FAM117A: variants seen among roughly 807,000 people sequenced by gnomAD.
The protein encoded by FAM117A is family with sequence similarity 117 member A.
FAM117A carries 21 observed loss-of-function variants against 44.1 expected under a neutral mutation model. That is an observed-to-expected ratio of 0.48 (90% confidence interval 0.34 to 0.69). The LOEUF (loss-of-function observed/expected upper bound fraction) is 0.69, where lower values mean the gene tolerates loss of function less well. FAM117A is among the 30% of genes least tolerant of loss of function. FAM117A has a pLI of 0.01. For synonymous variants in FAM117A, 220 were observed against 238.3 expected (o/e 0.92, Z 0.71); for missense variants, 498 against 589.9 (o/e 0.84, Z 1.61).
At chr17:49,766,436 A>G (rs1006295829), upstream of FAM117A, among the ~76,000 whole-genome samples, 1 of 152,236 alleles carries the variant, frequency 6.6e-6, no homozygotes, top group Admixed American at 6.5e-5. Context: ...GTTAAGTCCT[A>G]CAGAGGCTAG....
chr17:49,719,296 G>A (rs1214626909), intron 5 of FAM117A, among the ~76,000 whole-genome samples: 1 of 152,082 alleles, frequency 6.6e-6, no homozygotes, highest in African/African-American at 2.4e-5. Flanking sequence ...CTTCAGCAAA[G>A]GTAGCACATA....
chr17:49,778,219 C>A (rs577683251), intron 1 of FAM117A, among the ~76,000 whole-genome samples: 25 of 152,258 alleles, frequency 1.6e-4, no homozygotes, highest in African/African-American at 5.5e-4. Context: ...CCTTATTTAT[C>A]CTTCCACCCA....
At position 49,720,282 on chromosome 17, in the gene FAM117A, C is replaced by T. The variant is rs753547908; in HGVS notation, c.573+44G>A. 7 of 1,485,742 alleles carry T rather than the reference C, an allele frequency of 4.7e-6. No homozygotes were observed. The South Asian group carries it at 6.8e-5, about 14-fold the overall frequency. The allele number at this position is 1,485,742 out of a possible 1,614,324, so 92.0% of individuals were successfully genotyped here. ...ACCTCTGCCCATATAGGGGGGCCTG[C>T]ATGGAGGAGAACAGAGGGGAGAGGG... is the stretch of plus-strand genomic sequence containing the variant. On this transcript the variant is annotated intron_variant, in intron 4 of 7. Transcript: ENST00000240364.
intron 1 of FAM117A, among the ~76,000 whole-genome samples, chr17:49,779,285 C>T (rs557532631): frequency 7.2e-5 from 11 of 152,262 alleles, no homozygotes; most frequent in Non-Finnish European, 1.5e-4. Flanking sequence ...GGTTCTTTCT[C>T]CCAGATTACT....
At position 49,719,873 on chromosome 17, in the gene FAM117A, A is replaced by G. The variant is rs201064183; in HGVS notation, c.595T>C (p.Ser199Pro). ...ALRASPPSFP[S>P]GSPVLRLSPC... ...CTGAGTCGCAAGACAGGGGACCCTG[A>G]GGGGAAGCTGGGAGGGGACGCCTGA... The change falls in exon 5 of 8, where the codon TCA (serine) becomes CCA (proline). Residue 199 changes from serine (S) to proline (P), a missense_variant. Coordinates refer to ENST00000240364, the MANE Select transcript of FAM117A (RefSeq NM_030802.4). The G allele has an allele frequency of 1.2e-6, 2 of 1,605,974 alleles. No homozygotes were observed. The highest frequency in any genetic ancestry group is 2.3e-5 in the East Asian group (1 of 44,276).
intron 2 of FAM117A, 71 bp from the exon 3 acceptor site, chr17:49,722,665 T>A: frequency 7.7e-7 from 1 of 1,291,456 alleles, no homozygotes; most frequent in Non-Finnish European, 1.1e-6. Context: ...CACACTGTTT[T>A]CTGGGTAGAG....
At chr17:49,783,026 TA>T (rs1358632926) in intron 1 of FAM117A, among the ~76,000 whole-genome samples, 1 of 152,188 alleles carries the variant, frequency 6.6e-6, no homozygotes, top group Non-Finnish European at 1.5e-5. Flanking sequence ...CCCCGGCAAA[TA>T]GAGCAATTTG....
At chr17:49,728,650 A>G (rs1231969825) in intron 2 of FAM117A, among the ~76,000 whole-genome samples, 2 of 152,142 alleles carry the variant, frequency 1.3e-5, no homozygotes, top group Non-Finnish European at 2.9e-5. Flanking sequence ...CTCCAGAAAA[A>G]TACACGAAGA....
At chr17:49,752,359 C>G (rs941763310) in intron 1 of FAM117A, among the ~76,000 whole-genome samples, 2 of 152,290 alleles carry the variant, frequency 1.3e-5, no homozygotes, top group Non-Finnish European at 2.9e-5. Context: ...CCTGCGCCCC[C>G]CAGGCTTCTT....
chr17:49,734,303 G>C (rs964280494), intron 1 of FAM117A, among the ~76,000 whole-genome samples: 1 of 151,504 alleles, frequency 6.6e-6, no homozygotes, highest in African/African-American at 2.4e-5. Flanking sequence ...ATATTAAAAA[G>C]ACACTAGGGC....
intron 5 of FAM117A, 22 bp from the exon 6 acceptor site, chr17:49,717,736 G>T: frequency 6.4e-7 from 1 of 1,572,694 alleles, no homozygotes; most frequent in Non-Finnish European, 8.6e-7. Flanking sequence ...GGACGGTAAA[G>T]ACTGTCAGCC....
At chr17:49,787,571 G>A (rs1199505626) in intron 1 of FAM117A, among the ~76,000 whole-genome samples, 3 of 152,128 alleles carry the variant, frequency 2.0e-5, no homozygotes, top group Non-Finnish European at 4.4e-5. Flanking sequence ...CCATCTTAAC[G>A]GGGCCTCAGT....
At chr17:49,757,352 T>C (rs1401672360) in intron 1 of FAM117A, among the ~76,000 whole-genome samples, 2 of 152,212 alleles carry the variant, frequency 1.3e-5, no homozygotes, top group Non-Finnish European at 2.9e-5. Context: ...GATAGCATTC[T>C]TTTAAGTTCA....
At chr17:49,776,118 C>A (rs1178477474) in intron 1 of FAM117A, among the ~76,000 whole-genome samples, 1 of 152,148 alleles carries the variant, frequency 6.6e-6, no homozygotes, top group East Asian at 1.9e-4. Flanking sequence ...CGGCCATGTG[C>A]CCCTGCTTCA....
intron 2 of FAM117A, among the ~76,000 whole-genome samples, chr17:49,731,468 AG>A (rs1567829285): frequency 6.8e-6 from 1 of 146,326 alleles, no homozygotes; most frequent in Non-Finnish European, 1.5e-5. Flanking sequence ...CGTTCGTGCT[AG>A]CTTATCCAAA....
At chr17:49,775,357 A>G (rs2073772902) in intron 1 of FAM117A, among the ~76,000 whole-genome samples, 1 of 152,120 alleles carries the variant, frequency 6.6e-6, no homozygotes. Flanking sequence ...ACCCTGACTG[A>G]ATTTGGTGTC....
At position 49,757,743 on chromosome 17, in the gene FAM117A, G is replaced by C. The variant is rs191535873; in HGVS notation, c.196+6149C>G. Among the ~76,000 whole-genome samples, 5 of 152,288 alleles carry C rather than the reference G, an allele frequency of 3.3e-5. No homozygotes were observed. In the East Asian group the frequency reaches 9.6e-4, roughly 29 times the overall value. The stretch of plus-strand genomic sequence containing the variant: ...TTGACCTAATAATGTGAGTAGATTT[G>C]GCTAATGTTTGGTTAATTCATACCC... On this transcript the variant is annotated intron_variant, in intron 1 of 7. Coordinates refer to ENST00000240364, the MANE Select transcript of FAM117A (RefSeq NM_030802.4).
At chr17:49,753,544 G>A (rs535516907) in intron 1 of FAM117A, among the ~76,000 whole-genome samples, 30 of 152,306 alleles carry the variant, frequency 2.0e-4, no homozygotes, top group African/African-American at 6.3e-4. Flanking sequence ...GGCCAGGCAC[G>A]GTGGCTCACG....
In FAM117A at chr17:49,786,779, A is replaced by G. The variant is rs567122568; in HGVS notation, c.-621+1718T>C. 6.3e-4 allele frequency among the ~76,000 whole-genome samples: 37 copies of G among 58,986 alleles called. No individual in the cohort carries two copies. The East Asian group carries it at 0.021, about 33-fold the overall frequency. 38.7% of individuals were successfully genotyped at this position (58,986 alleles called of 152,430 possible). On this transcript the variant is annotated intron_variant, in intron 1 of 7. Coordinates refer to the FAM117A transcript ENST00000513602. ...CAACAAGAGCAAAACCCTGTCTCAG[A>G]AAAAAAAAAAAAAAAAGAAAGGCTG... is the stretch of plus-strand genomic sequence containing the variant.
Sources: gnomAD v4.1 joint callset for allele counts (sites outside exome capture counted in the v4.1 genomes callset) on GRCh38, gnomAD v4.1.1 for gene constraint, MANE v1.5 for transcripts, NCBI Gene and HGNC (gene_info 2026-07-23, HGNC 2026-07-21) for gene names.